PCDHGA1: variants seen among roughly 807,000 people sequenced by gnomAD.
PCDHGA1 encodes protocadherin gamma-A1.
In PCDHGA1, 32 loss-of-function variants were observed where a neutral mutation model predicts 58.0. The ratio of observed to expected loss-of-function variants is 0.55; its 90% confidence interval spans 0.42 to 0.74. The LOEUF is 0.74. Among genes scored for constraint, PCDHGA1 ranks in the 30% least tolerant of loss-of-function variants. The pLI is 0.00. For missense variants in PCDHGA1, 1,205 were observed against 1,182.3 expected (o/e 1.02, Z -0.28); for synonymous variants, 498 against 501.1 (o/e 0.99, Z 0.08).
chr5:141,484,096 G>A (rs539388257), intron 1 of PCDHGA1, among the ~76,000 whole-genome samples: 1 of 152,126 alleles, frequency 6.6e-6, no homozygotes, highest in South Asian at 2.1e-4. Flanking sequence ...GTCTTCGTTG[G>A]TAATTAACAA....
chr5:141,360,216 G>A (rs1471973434), intron 1 of PCDHGA1: 4 of 1,613,422 alleles, frequency 2.5e-6, no homozygotes, highest in Non-Finnish European at 3.4e-6. Flanking sequence ...TGTTCCCCGG[G>A]GCTCTCCCAG....
chr5:141,385,068 C>G, intron 1 of PCDHGA1: 1 of 1,614,206 alleles, frequency 6.2e-7, no homozygotes, highest in South Asian at 1.1e-5. Context: ...ACAAGTCACG[C>G]CTGCTGCAGG....
In PCDHGA1 at chr5:141,433,040, A is replaced by ACGGACT. The variant is rs753119003; in HGVS notation, c.2422-61764_2422-61759dup. The ACGGACT allele has an allele frequency of 8.1e-6, 13 of 1,614,088 alleles. No homozygotes were observed. In the African/African-American group the frequency reaches 1.7e-4, roughly 22 times the overall value. On this transcript the variant is annotated intron_variant, in intron 1 of 3. Transcript: ENST00000517417. ...CTATTCCCACGAGGTTTCCCTCACC[A>ACGGACT]CGGACTCGCGGAAGAGTCACCTGAT...
intron 1 of PCDHGA1, chr5:141,371,943 C>T: frequency 6.2e-7 from 1 of 1,613,302 alleles, no homozygotes; most frequent in Non-Finnish European, 8.5e-7. Context: ...GGTGTTCGCG[C>T]AGCGAGCCTT....
chr5:141,418,781 G>C, intron 1 of PCDHGA1: 1 of 1,613,716 alleles, frequency 6.2e-7, no homozygotes, highest in African/African-American at 1.3e-5. Context: ...GCAGCCTTTG[G>C]ATTTTGAAGA....
intron 1 of PCDHGA1, chr5:141,441,477 C>T (rs529495102): frequency 1.2e-4 from 20 of 170,782 alleles, no homozygotes; most frequent in Middle Eastern, 5.7e-4. Context: ...ATGCCAACGA[C>T]AATGCTCTGG....
In PCDHGA1 at chr5:141,511,032, G is replaced by C. The variant is rs779589499; in HGVS notation, c.2655G>C (p.Gln885His). Residue 885 changes from glutamine to histidine, a missense_variant, in exon 4 of 4, where the codon CAG (glutamine) becomes CAC (histidine). Gln to His is a conservative substitution (Grantham distance 24). Coordinates refer to ENST00000517417, the MANE Select transcript of PCDHGA1 (RefSeq NM_018912.3). ...SARYGPQFTL[Q>H]HVPDYRQNVY... ...GCTACGGACCCCAGTTCACCCTGCA[G>C]CACGTGCCCGACTACCGCCAGAATG... 6.2e-7 allele frequency: 1 copy of C among 1,614,228 alleles called. No individual in the cohort carries two copies. The highest frequency in any genetic ancestry group is 8.5e-7 in the Non-Finnish European group (1 of 1,180,036).
At chr5:141,350,581 T>C (rs770869658) in intron 1 of PCDHGA1, 1 of 1,614,052 alleles carries the variant, frequency 6.2e-7, no homozygotes, top group South Asian at 1.1e-5. Context: ...AAACGGTCGC[T>C]GAAAACCCAA....
At chr5:141,458,219 C>T (rs2098940224) in intron 1 of PCDHGA1, among the ~76,000 whole-genome samples, 1 of 152,248 alleles carries the variant, frequency 6.6e-6, no homozygotes, top group African/African-American at 2.4e-5. Flanking sequence ...AATAAGTTTC[C>T]TTTCCCAGTC....
At chr5:141,418,512 G>C (rs776986277) in intron 1 of PCDHGA1, 1 of 1,613,966 alleles carries the variant, frequency 6.2e-7, no homozygotes, top group Non-Finnish European at 8.5e-7. Context: ...TTAGATGGTG[G>C]GGACCCTCCC....
At chr5:141,372,937 G>C (rs894509866) in intron 1 of PCDHGA1, 5 of 831,174 alleles carry the variant, frequency 6.0e-6, no homozygotes, top group Non-Finnish European at 9.0e-6. Context: ...GTGTAGAGTA[G>C]GGTGTCTAGG....
intron 1 of PCDHGA1, chr5:141,393,962 CTG>C: frequency 6.2e-7 from 1 of 1,613,894 alleles, no homozygotes; most frequent in Non-Finnish European, 8.5e-7. Context: ...GTCAAGTTGT[CTG>C]TTACACACGT....
intron 1 of PCDHGA1, among the ~76,000 whole-genome samples, chr5:141,478,961 C>T (rs887338339): frequency 6.6e-6 from 1 of 152,206 alleles, no homozygotes; most frequent in Non-Finnish European, 1.5e-5. Context: ...CCTCATTCCT[C>T]CACCTTTCAA....
intron 2 of PCDHGA1, among the ~76,000 whole-genome samples, chr5:141,504,443 A>C (rs1043353401): frequency 2.0e-5 from 3 of 152,070 alleles, no homozygotes; most frequent in African/African-American, 4.8e-5. Context: ...CAGTGTGACT[A>C]GTGCCATGTG....
chr5:141,346,139 C>T, intron 1 of PCDHGA1: 1 of 1,613,984 alleles, frequency 6.2e-7, no homozygotes, highest in Non-Finnish European at 8.5e-7. Context: ...CGGTCTCCTG[C>T]GTCTTCCTGG....
chr5:141,465,273 G>A (rs949271610), intron 1 of PCDHGA1, among the ~76,000 whole-genome samples: 1 of 152,068 alleles, frequency 6.6e-6, no homozygotes, highest in Non-Finnish European at 1.5e-5. Context: ...TAGCCATTTA[G>A]TTCACCCCTA....
chr5:141,489,096 ACT>A lies in PCDHGA1; in HGVS notation c.2422-5710_2422-5709del. The A allele has an allele frequency of 2.0e-6, 1 of 494,278 alleles. No individual in the cohort carries two copies. The allele number at this position is 494,278 out of a possible 1,614,324, so 30.6% of individuals were successfully genotyped here. A position where few individuals can be genotyped will look rare whatever the true frequency, so the allele number is the denominator to read the frequency against. ...CACCCCCGCCACTCGGTGACTAAGA[ACT>A]GCTGCAAGCAGGCAAACCTCCGAGC... On this transcript the variant is annotated intron_variant, in intron 1 of 3. Coordinates refer to ENST00000517417, the MANE Select transcript of PCDHGA1 (RefSeq NM_018912.3). The surrounding 1 kb of genome is among the most constrained non-coding windows in gnomAD (Gnocchi z 4.5).
rs186599132 is a variant in PCDHGA1, at chr5:141,355,599, T to G, written c.2421+22494T>G. The G allele has an allele frequency of 4.5e-5, 73 of 1,613,996 alleles. 1 individual carries two copies. In the African/African-American group the frequency reaches 6.7e-4, roughly 15 times the overall value. ...ATGTTAATGATAACCCACCCAGTTT[T>G]GGGACAGAACAGAGGGAAATAAAAG... On this transcript the variant is annotated intron_variant, in intron 1 of 3. Coordinates refer to ENST00000517417, the MANE Select transcript of PCDHGA1 (RefSeq NM_018912.3).
In PCDHGA1 at chr5:141,491,928, G is replaced by T; in HGVS notation, c.2422-2879G>T. 1 of 1,301,482 alleles carries T rather than the reference G, an allele frequency of 7.7e-7. No homozygotes were observed. Among genetic ancestry groups the T allele is most frequent in the South Asian group, 1.6e-5 (1 of 63,466 alleles). 80.6% of individuals were successfully genotyped at this position (1,301,482 alleles called of 1,614,324 possible). A position where few individuals can be genotyped will look rare whatever the true frequency, so the allele number is the denominator to read the frequency against. On this transcript the variant is annotated intron_variant, in intron 1 of 3. Coordinates refer to ENST00000517417, the MANE Select transcript of PCDHGA1 (RefSeq NM_018912.3). The surrounding 1 kb of genome is among the most constrained non-coding windows in gnomAD (Gnocchi z 6.9). ...TGGTGGCGACTGTGGGCGAGGGGAG[G>T]TGGGACCGACCCCCACCCCTACACT... is the stretch of plus-strand genomic sequence containing the variant.
Sources: allele counts gnomAD v4.1 joint callset (sites outside exome capture counted in the v4.1 genomes callset), GRCh38; gene constraint gnomAD v4.1.1; non-coding constraint Gnocchi (gnomAD v3.1); transcripts MANE v1.5; gene names NCBI Gene and HGNC (gene_info 2026-07-23, HGNC 2026-07-21).